The following IGF2BP3 variants were observed in gnomAD, a reference collection of about 807,000 sequenced individuals.
The protein encoded by IGF2BP3 is insulin-like growth factor 2 mRNA-binding protein 3.
IGF2BP3 carries 9 observed loss-of-function variants against 73.8 expected under a neutral mutation model. That is an observed-to-expected ratio of 0.12 (90% CI 0.07 to 0.21). IGF2BP3 has a LOEUF of 0.21. Among genes scored for constraint, IGF2BP3 ranks in the 10% least tolerant of loss-of-function variants. The probability of loss-of-function intolerance (pLI) is 1.00; values close to 1 mark genes in which losing one functional copy is unlikely to be tolerated. For missense variants in IGF2BP3, 542 were observed against 714.0 expected, an observed-to-expected ratio of 0.76 and a Z score of 2.75; for synonymous variants, 258 against 256.7, an observed-to-expected ratio of 1.01 and a Z score of -0.05.
intron 2 of IGF2BP3, among the ~76,000 whole-genome samples, chr7:23,462,588 T>C (rs1480667630): frequency 2.0e-5 from 3 of 152,136 alleles, no homozygotes; most frequent in Non-Finnish European, 2.9e-5. Context: ...GGTCTCGATC[T>C]CCTGACCTCG....
At chr7:23,437,491 A>C (rs1241266034) in intron 2 of IGF2BP3, among the ~76,000 whole-genome samples, 1 of 63,360 alleles carries the variant, frequency 1.6e-5, no homozygotes, top group Non-Finnish European at 3.9e-5. Flanking sequence ...TTCAAAAATA[A>C]ATAAATAAAT....
intron 12 of IGF2BP3, among the ~76,000 whole-genome samples, chr7:23,314,177 CTGACT>C (rs1783910544): frequency 2.0e-5 from 3 of 150,556 alleles, no homozygotes; most frequent in East Asian, 1.9e-4. Flanking sequence ...AACACCACAC[CTGACT>C]TATTTTTTTT....
chr7:23,372,881 T>C (rs918963783), intron 3 of IGF2BP3, among the ~76,000 whole-genome samples: 1 of 152,190 alleles, frequency 6.6e-6, no homozygotes, highest in East Asian at 1.9e-4. Flanking sequence ...TTCCATGTTA[T>C]AGATGGGCAA....
chr7:23,412,921 G>A (rs1787073780), intron 3 of IGF2BP3, among the ~76,000 whole-genome samples: 1 of 132,628 alleles, frequency 7.5e-6, no homozygotes, highest in Admixed American at 8.7e-5. Flanking sequence ...GTGCAGTGGT[G>A]CGATCTTGGC....
chr7:23,462,549 A>T (rs933831887), intron 2 of IGF2BP3, among the ~76,000 whole-genome samples: 1 of 152,040 alleles, frequency 6.6e-6, no homozygotes, highest in Non-Finnish European at 1.5e-5. Flanking sequence ...TTTTTAGTAG[A>T]GACGGGGTTT....
At chr7:23,429,181 T>C (rs1482651752) in intron 2 of IGF2BP3, among the ~76,000 whole-genome samples, 3 of 152,126 alleles carry the variant, frequency 2.0e-5, no homozygotes, top group Non-Finnish European at 4.4e-5. Context: ...GGAAAGAAAA[T>C]AAACCATGGG....
intron 2 of IGF2BP3, chr7:23,431,072 A>C (rs1383630148): frequency 6.6e-6 from 1 of 152,266 alleles, no homozygotes; most frequent in Non-Finnish European, 1.5e-5. Flanking sequence ...TCACAAAAAG[A>C]ACATTCCAAC....
chr7:23,379,086 G>T (rs903537231), intron 3 of IGF2BP3, among the ~76,000 whole-genome samples: 2 of 152,180 alleles, frequency 1.3e-5, no homozygotes, highest in African/African-American at 4.8e-5. Context: ...ATTAGCATTT[G>T]TTTCCTATGA....
At chr7:23,460,475 G>A (rs1483446573) in intron 2 of IGF2BP3, among the ~76,000 whole-genome samples, 1 of 151,518 alleles carries the variant, frequency 6.6e-6, no homozygotes, top group Non-Finnish European at 1.5e-5. Flanking sequence ...GAGGTTGCAA[G>A]TGAGCCAAGA....
intron 2 of IGF2BP3, among the ~76,000 whole-genome samples, chr7:23,445,570 A>G (rs993256763): frequency 5.3e-5 from 8 of 152,314 alleles, no homozygotes; most frequent in East Asian, 3.9e-4. Context: ...AAATAGCTTA[A>G]GATTCCATTA....
At chr7:23,442,398 TTTTTG>T (rs1168187097) in intron 2 of IGF2BP3, among the ~76,000 whole-genome samples, 1 of 134,456 alleles carries the variant, frequency 7.4e-6, no homozygotes, top group Admixed American at 7.2e-5. Flanking sequence ...TAACATTCCA[TTTTTG>T]TTTTGTTTTT....
intron 3 of IGF2BP3, among the ~76,000 whole-genome samples, chr7:23,383,019 A>T (rs1208126198): frequency 6.6e-6 from 1 of 151,636 alleles, no homozygotes; most frequent in Non-Finnish European, 1.5e-5. Context: ...GTGAGCTATG[A>T]TGGCGCCATT....
intron 3 of IGF2BP3, among the ~76,000 whole-genome samples, chr7:23,400,274 G>A (rs970462419): frequency 2.0e-5 from 3 of 152,198 alleles, no homozygotes; most frequent in African/African-American, 4.8e-5. Flanking sequence ...TTCTGTGAAA[G>A]TCTAAAACAA....
At chr7:23,316,239 C>G (rs73279759) in intron 12 of IGF2BP3, among the ~76,000 whole-genome samples, 2,819 of 152,216 alleles carry the variant, frequency 0.019, 86 homozygotes, top group African/African-American at 0.065. Context: ...TAAGTGAAAG[C>G]AGCTTTGGGT....
At chr7:23,381,441 C>T (rs1040099794) in intron 3 of IGF2BP3, among the ~76,000 whole-genome samples, 1 of 152,146 alleles carries the variant, frequency 6.6e-6, no homozygotes, top group African/African-American at 2.4e-5. Context: ...GCTCTTCATA[C>T]CAGCAAGCAC....
At chr7:23,357,492 C>A (rs2128506855) in intron 5 of IGF2BP3, among the ~76,000 whole-genome samples, 1 of 152,296 alleles carries the variant, frequency 6.6e-6, no homozygotes, top group Middle Eastern at 3.4e-3. Context: ...AACTCAATGT[C>A]TACACATTTT....
At chr7:23,436,776 G>A (rs1787816819) in intron 2 of IGF2BP3, among the ~76,000 whole-genome samples, 2 of 152,292 alleles carry the variant, frequency 1.3e-5, no homozygotes, top group South Asian at 2.1e-4. Context: ...GCCTAGGAAA[G>A]TACATTTGGA....
intron 3 of IGF2BP3, among the ~76,000 whole-genome samples, chr7:23,407,389 A>T (rs964245939): frequency 7.2e-5 from 11 of 151,942 alleles, no homozygotes; most frequent in African/African-American, 2.7e-4. Flanking sequence ...CAAATGGATC[A>T]CCTCAGGTTG....
intron 5 of IGF2BP3, among the ~76,000 whole-genome samples, chr7:23,359,923 A>G (rs1446474985): frequency 6.6e-6 from 1 of 152,124 alleles, no homozygotes; most frequent in East Asian, 1.9e-4. Context: ...CACAATTTCT[A>G]TAATGTCCGA....
Sources: gnomAD v4.1 joint callset for allele counts (sites outside exome capture counted in the v4.1 genomes callset) on GRCh38, gnomAD v4.1.1 for gene constraint, MANE v1.5 for transcripts, NCBI Gene and HGNC (gene_info 2026-07-23, HGNC 2026-07-21) for gene names.